The following SLIT3 variants were observed in gnomAD, a reference collection of about 807,000 sequenced individuals.
SLIT3 encodes the protein slit homolog 3 protein.
In SLIT3, 68 loss-of-function variants were observed where a neutral mutation model predicts 184.0. That is an observed-to-expected ratio of 0.37 (90% CI 0.30 to 0.45). The LOEUF is 0.45. Among genes scored for constraint, SLIT3 ranks in the 20% least tolerant of loss-of-function variants. The pLI, the probability that SLIT3 is intolerant of heterozygous loss-of-function variation, is 1.00. For missense variants in SLIT3, 1,707 were observed against 2,026.0 expected (o/e 0.84, Z 3.02); for synonymous variants, 831 against 828.6 (o/e 1.00, Z -0.05).
intron 20 of SLIT3, among the ~76,000 whole-genome samples, chr5:168,729,953 C>T (rs1311690369): frequency 2.6e-5 from 4 of 151,922 alleles, no homozygotes; most frequent in Non-Finnish European, 5.9e-5. Flanking sequence ...AAACATGATC[C>T]AACTATATCC....
intron 4 of SLIT3, among the ~76,000 whole-genome samples, chr5:169,101,140 A>T (rs570083047): frequency 6.6e-6 from 1 of 152,158 alleles, no homozygotes; most frequent in Non-Finnish European, 1.5e-5. Flanking sequence ...GGTCTTAGGG[A>T]GTAAAAGAAA....
At chr5:168,727,402 T>G (rs1307908579) in intron 20 of SLIT3, among the ~76,000 whole-genome samples, 1 of 151,860 alleles carries the variant, frequency 6.6e-6, no homozygotes, top group Non-Finnish European at 1.5e-5. Flanking sequence ...GTGAAAAGGG[T>G]GAAGACTTGG....
At chr5:169,216,228 T>C (rs1463332125) in intron 3 of SLIT3, among the ~76,000 whole-genome samples, 1 of 152,184 alleles carries the variant, frequency 6.6e-6, no homozygotes, top group Non-Finnish European at 1.5e-5. Flanking sequence ...AGGTGGCTAG[T>C]GCAGATCACC....
intron 4 of SLIT3, among the ~76,000 whole-genome samples, chr5:168,952,406 C>A (rs887948063): frequency 6.6e-6 from 1 of 151,916 alleles, no homozygotes; most frequent in South Asian, 2.1e-4. Flanking sequence ...TTGTTGGCAC[C>A]AGCGTCACAT....
At chr5:168,953,756 T>A (rs71589847) in intron 4 of SLIT3, among the ~76,000 whole-genome samples, 2 of 151,710 alleles carry the variant, frequency 1.3e-5, no homozygotes, top group African/African-American at 2.4e-5. Flanking sequence ...GCTGAAAGCA[T>A]ATTCTCACCC....
rs550958870 is a variant in SLIT3, at chr5:168,802,190, A to G, written c.935+4256T>C. ...CATTTGGATGTCTTTGGAATGATAA[A>G]TCAGATAACTCCTATTCATCCTGGG... On this transcript the variant is annotated intron_variant, in intron 9 of 35. Coordinates refer to ENST00000519560, the MANE Select transcript of SLIT3 (RefSeq NM_003062.4). 3.3e-5 allele frequency among the ~76,000 whole-genome samples: 5 copies of G among 151,784 alleles called. No homozygotes were observed. The East Asian group carries it at 7.7e-4, about 23-fold the overall frequency.
chr5:168,915,442 G>A (rs896161801), intron 4 of SLIT3, among the ~76,000 whole-genome samples: 1 of 152,064 alleles, frequency 6.6e-6, no homozygotes, highest in Non-Finnish European at 1.5e-5. Context: ...TTCCTCGTAC[G>A]AATTGGTTCG....
chr5:169,008,121 G>A (rs1441418871), intron 4 of SLIT3, among the ~76,000 whole-genome samples: 5 of 152,166 alleles, frequency 3.3e-5, no homozygotes, highest in African/African-American at 1.2e-4. Flanking sequence ...TTCTTCTCTT[G>A]GGTAAAGTTC....
rs969889962 is a variant in SLIT3, at chr5:168,875,760, G to T, written c.485+7505C>A. On this transcript the variant is annotated intron_variant, in intron 5 of 35. Coordinates refer to ENST00000519560, the MANE Select transcript of SLIT3 (RefSeq NM_003062.4). ...ACAGGAAGGAATGAGGGGGAAGGGA[G>T]GATAAGAGGGAGGAAAAAAAGGAAG... is the stretch of plus-strand genomic sequence containing the variant. Among the ~76,000 whole-genome samples the T allele has an allele frequency of 2.4e-4, 36 of 151,758 alleles. 1 individual carries two copies. The highest frequency in any genetic ancestry group is 5.9e-5 in the Non-Finnish European group (4 of 67,934).
At chr5:169,015,931 AACACACACACACACACACACACACACAC>A (rs3138760) in intron 4 of SLIT3, among the ~76,000 whole-genome samples, 9 of 120,284 alleles carry the variant, frequency 7.5e-5, no homozygotes, top group African/African-American at 1.2e-4. Context: ...GAAAAATATA[AACACACACACACACACACACACACACAC>A]ACACACACAC....
intron 6 of SLIT3, among the ~76,000 whole-genome samples, chr5:168,824,082 G>A (rs573735895): frequency 6.6e-6 from 1 of 152,260 alleles, no homozygotes; most frequent in Non-Finnish European, 1.5e-5. Context: ...TCAAGTAGCT[G>A]GAATTACAGG....
intron 26 of SLIT3, among the ~76,000 whole-genome samples, chr5:168,703,982 C>A (rs1017840793): frequency 2.8e-5 from 4 of 141,694 alleles, no homozygotes; most frequent in African/African-American, 1.0e-4. Context: ...ACACTGGGAA[C>A]AGCTGCCCTC....
At chr5:169,014,096 A>AAGGCAGGCAGGCAGGCAGGCAGGCAGGC (rs60057409) in intron 4 of SLIT3, among the ~76,000 whole-genome samples, 3 of 150,216 alleles carry the variant, frequency 2.0e-5, no homozygotes, top group Non-Finnish European at 3.0e-5. Flanking sequence ...TGTGGGAAGG[A>AAGGCAGGCAGGCAGGCAGGCAGGCAGGC]AGGCAGGCAG....
intron 4 of SLIT3, chr5:169,024,237 A>T (rs908619048): frequency 3.9e-5 from 6 of 152,306 alleles, no homozygotes; most frequent in African/African-American, 1.4e-4. Flanking sequence ...GGGAGGAAGC[A>T]GAGTGGCATT....
intron 4 of SLIT3, among the ~76,000 whole-genome samples, chr5:169,087,707 T>C (rs1759366760): frequency 6.6e-6 from 1 of 152,230 alleles, no homozygotes; most frequent in Admixed American, 6.5e-5. Flanking sequence ...AAGGTTTTTG[T>C]AGTACAGTTA....
chr5:169,246,324 C>T (rs933227957), intron 2 of SLIT3, among the ~76,000 whole-genome samples: 2 of 152,094 alleles, frequency 1.3e-5, no homozygotes, highest in African/African-American at 2.4e-5. Flanking sequence ...CCTATAGAAA[C>T]GATTGAAGGG....
intron 1 of SLIT3, among the ~76,000 whole-genome samples, chr5:169,295,586 T>C (rs970366356): frequency 6.6e-6 from 1 of 152,228 alleles, no homozygotes; most frequent in Non-Finnish European, 1.5e-5. Flanking sequence ...AGAGCTGCAA[T>C]TCAAACCCAC....
chr5:168,858,305 T>C (rs1480494917), intron 5 of SLIT3, among the ~76,000 whole-genome samples: 1 of 152,116 alleles, frequency 6.6e-6, no homozygotes, highest in Non-Finnish European at 1.5e-5. Flanking sequence ...TCCCCAACAT[T>C]CTCCAGTAAA....
At position 168,669,811 on chromosome 5, in the gene SLIT3, G is replaced by T; in HGVS notation, c.4308C>A (p.Pro1436=). 1 of 1,613,926 alleles carries T rather than the reference G, an allele frequency of 6.2e-7. No individual in the cohort carries two copies. Among genetic ancestry groups the T allele is most frequent in the Non-Finnish European group, 8.5e-7 (1 of 1,180,028 alleles). The change falls in exon 35 of 36, where the codon CCC becomes CCA. Residue 1436 remains proline, a synonymous_variant. Transcript: ENST00000519560. ...GTTGGCAGTGCTCGCCGCTAAAGCC[G>T]GGCTGGCACAGGCAGTAGGGCTCCC... ...DQGEPYCLCQ[P]GFSGEHCQQE... is the part of the protein sequence containing the mutation.
Sources: allele counts gnomAD v4.1 joint callset (sites outside exome capture counted in the v4.1 genomes callset), GRCh38; gene constraint gnomAD v4.1.1; transcripts MANE v1.5; gene names NCBI Gene and HGNC (gene_info 2026-07-23, HGNC 2026-07-21).